The following TASP1 variants were observed in gnomAD, a reference collection of about 807,000 sequenced individuals.
TASP1 encodes threonine aspartase 1.
A neutral mutation model predicts 56.6 loss-of-function variants in TASP1; 16 were observed. The observed-to-expected ratio is 0.28, with a 90% CI of 0.19 to 0.43. The LOEUF (loss-of-function observed/expected upper bound fraction) is 0.43. TASP1 is among the 20% of genes least tolerant of loss of function. TASP1 has a pLI of 1.00. For missense variants in TASP1, 393 were observed against 511.6 expected, an observed-to-expected ratio of 0.77 and a Z score of 2.24; for synonymous variants, 179 against 184.2, an observed-to-expected ratio of 0.97 and a Z score of 0.23.
chr20:13,399,877 C>T (rs1254200218), intron 13 of TASP1, among the ~76,000 whole-genome samples: 1 of 152,202 alleles, frequency 6.6e-6, no homozygotes, highest in Non-Finnish European at 1.5e-5. Flanking sequence ...CTAAGACCGG[C>T]CTTCTCACTG....
At chr20:13,432,616 G>A (rs2042852186) in intron 12 of TASP1, among the ~76,000 whole-genome samples, 1 of 152,062 alleles carries the variant, frequency 6.6e-6, no homozygotes, top group African/African-American at 2.4e-5. Context: ...AAGCATCAAC[G>A]CCTCCAGTTA....
chr20:13,433,520 C>CAAAAAAAAAAAAAA lies in TASP1; in HGVS notation c.1096+1510_1096+1523dup, dbSNP rs74746255. ...CAGAGGGTAGAAGGAGACAGTATGG[C>CAAAAAAAAAAAAAA]AAAAAAAAAAAAAAAAAAAAATACA... is the stretch of plus-strand genomic sequence containing the variant. On this transcript the variant is annotated intron_variant, in intron 12 of 13. Coordinates refer to ENST00000337743, the MANE Select transcript of TASP1 (RefSeq NM_017714.3). Among the ~76,000 whole-genome samples, 48 of 89,182 alleles carry CAAAAAAAAAAAAAA rather than the reference C, an allele frequency of 5.4e-4. 1 individual carries two copies. The highest frequency in any genetic ancestry group is 2.1e-3 in the African/African-American group (44 of 20,960). 58.5% of individuals were successfully genotyped at this position (89,182 alleles called of 152,430 possible).
chr20:13,523,037 A>G (rs1317724202), intron 10 of TASP1, among the ~76,000 whole-genome samples: 1 of 152,158 alleles, frequency 6.6e-6, no homozygotes, highest in African/African-American at 2.4e-5. Context: ...CTTGACAAGA[A>G]CAGATTGGTG....
chr20:13,291,461 A>G, the TASP1 span, among the ~76,000 whole-genome samples: 2 of 152,228 alleles, frequency 1.3e-5, no homozygotes, highest in Non-Finnish European at 2.9e-5. Context: ...CTCACATAAA[A>G]TCAGAGAGAG....
chr20:13,350,117 A>G, the TASP1 span, among the ~76,000 whole-genome samples: 2 of 152,248 alleles, frequency 1.3e-5, no homozygotes, highest in Non-Finnish European at 2.9e-5. Context: ...TGGGTGACAG[A>G]GCAAAGTCCT....
intron 12 of TASP1, 46 bp downstream of exon 12, chr20:13,434,998 G>C: frequency 2.1e-6 from 3 of 1,405,906 alleles, no homozygotes; most frequent in Non-Finnish European, 1.9e-6. Context: ...ATTTTTTCTT[G>C]GAAAAAAAAA....
At chr20:13,629,903 T>C (rs759686626) in intron 2 of TASP1, 31 bp downstream of exon 2, 6 of 1,610,892 alleles carry the variant, frequency 3.7e-6, no homozygotes, top group South Asian at 2.2e-5. Flanking sequence ...TCAACATTAT[T>C]GGCATCTTCC....
chr20:13,603,896 C>T (rs768612475), intron 4 of TASP1, among the ~76,000 whole-genome samples: 11 of 152,130 alleles, frequency 7.2e-5, no homozygotes, highest in African/African-American at 2.4e-5. Flanking sequence ...TAACAAGATA[C>T]TCCCACCCTT....
Position 13,534,105 on chromosome 20 carries a change from C to T in TASP1, c.712G>A (p.Val238Met). 1.2e-6 allele frequency: 2 copies of T among 1,613,696 alleles called. No homozygotes were observed. The highest frequency in any genetic ancestry group is 1.7e-6 in the Non-Finnish European group (2 of 1,179,700). The change falls in exon 9 of 14, where the codon GTG (valine) becomes ATG (methionine). Residue 238 changes from valine to methionine, a missense_variant. Coordinates refer to ENST00000337743, the MANE Select transcript of TASP1 (RefSeq NM_017714.3). Reference protein sequence around the residue: ...DSGTLDTVGAVVVDHEGNVAA... With the variant: ...DSGTLDTVGAMVVDHEGNVAA... ...ACATTCCCTTCGTGGTCCACAACCA[C>T]AGCGCCTACCGTGTCCAAAGTGCCT... is the stretch of plus-strand genomic sequence containing the variant.
chr20:13,336,139 T>A, the TASP1 span, among the ~76,000 whole-genome samples: 1 of 152,104 alleles, frequency 6.6e-6, no homozygotes, highest in African/African-American at 2.4e-5. Flanking sequence ...TAACAGTAAG[T>A]TTCCAGGGGG....
the TASP1 span, among the ~76,000 whole-genome samples, chr20:13,194,348 A>C: frequency 6.6e-6 from 1 of 152,212 alleles, no homozygotes; most frequent in Non-Finnish European, 1.5e-5. Context: ...TAGGTTTTGC[A>C]TACAAGAGGT....
At chr20:13,338,924 C>T in the TASP1 span, among the ~76,000 whole-genome samples, 2 of 152,186 alleles carry the variant, frequency 1.3e-5, no homozygotes, top group Non-Finnish European at 2.9e-5. Context: ...CACAAACACA[C>T]ATGCACACAC....
At chr20:13,159,936 T>C in the TASP1 span, 7 of 1,444,682 alleles carry the variant, frequency 4.8e-6, no homozygotes, top group Non-Finnish European at 6.4e-6. Flanking sequence ...ATTCCTTTTT[T>C]GTCAGGATAA....
chr20:13,589,731 A>G (rs1158847225), intron 4 of TASP1, among the ~76,000 whole-genome samples: 4 of 152,152 alleles, frequency 2.6e-5, no homozygotes, highest in African/African-American at 4.8e-5. Flanking sequence ...TATCCAGAAT[A>G]TATATTTAAA....
intron 11 of TASP1, among the ~76,000 whole-genome samples, chr20:13,454,517 C>T (rs1050398258): frequency 2.0e-5 from 3 of 152,144 alleles, no homozygotes; most frequent in Admixed American, 2.0e-4. Context: ...CAAGAAGAAA[C>T]ATGACTGAGG....
chr20:13,247,206 G>C, the TASP1 span, among the ~76,000 whole-genome samples: 6 of 151,892 alleles, frequency 4.0e-5, no homozygotes. Context: ...ACTCCAGCCT[G>C]GGCAAAAAAA....
At chr20:13,615,506 T>G (rs1162489785) in intron 4 of TASP1, among the ~76,000 whole-genome samples, 3 of 150,034 alleles carry the variant, frequency 2.0e-5, no homozygotes, top group Non-Finnish European at 3.0e-5. Flanking sequence ...AATCTGGTTT[T>G]TTTTTTTTTT....
At chr20:13,509,162 T>A (rs1477394191) in intron 10 of TASP1, among the ~76,000 whole-genome samples, 5 of 148,764 alleles carry the variant, frequency 3.4e-5, no homozygotes, top group African/African-American at 5.0e-5. Flanking sequence ...TGTGTGTGTG[T>A]GATTTAGCCT....
chr20:13,602,204 C>T lies in TASP1; in HGVS notation c.283-14834G>A, dbSNP rs529257678. Among the ~76,000 whole-genome samples the T allele has an allele frequency of 3.2e-4, 49 of 151,956 alleles. No homozygotes were observed. In the South Asian group the frequency reaches 0.01, roughly 32 times the overall value. On this transcript the variant is annotated intron_variant, in intron 4 of 13. Coordinates refer to ENST00000337743, the MANE Select transcript of TASP1 (RefSeq NM_017714.3). Reference sequence around the variant, plus strand: ...ACCCATAACCCCATTCTAATCATGACAAAAACATCATACAAATCTCAATTA... The same window carrying T: ...ACCCATAACCCCATTCTAATCATGATAAAAACATCATACAAATCTCAATTA...
Sources: gnomAD v4.1 joint callset for allele counts (sites outside exome capture counted in the v4.1 genomes callset) on GRCh38, gnomAD v4.1.1 for gene constraint, MANE v1.5 for transcripts, NCBI Gene and HGNC (gene_info 2026-07-23, HGNC 2026-07-21) for gene names.